The following FBXL2 variants were observed in gnomAD, a reference collection of about 807,000 sequenced individuals.
FBXL2 encodes the protein F-box and leucine rich repeat protein 2.
FBXL2 carries 38 observed loss-of-function variants against 69.2 expected under a neutral mutation model. The observed-to-expected ratio is 0.55, with a 90% CI of 0.42 to 0.72. The LOEUF (loss-of-function observed/expected upper bound fraction) is 0.72. Ranked by LOEUF, FBXL2 falls within the 30% of genes least tolerant of loss-of-function variation. FBXL2 has a pLI of 0.00. For synonymous variants in FBXL2, 192 were observed against 201.3 expected, an observed-to-expected ratio of 0.95 and a Z score of 0.39; for missense variants, 354 against 520.3, an observed-to-expected ratio of 0.68 and a Z score of 3.11.
intron 5 of FBXL2, among the ~76,000 whole-genome samples, chr3:33,371,042 T>G (rs1318087578): frequency 6.6e-6 from 1 of 152,222 alleles, no homozygotes; most frequent in Non-Finnish European, 1.5e-5. Context: ...TATTTCTGTT[T>G]CTGTGTTTCG....
chr3:33,368,184 A>G (rs1190799985), intron 5 of FBXL2, among the ~76,000 whole-genome samples: 1 of 152,210 alleles, frequency 6.6e-6, no homozygotes. Context: ...CTGCTGTTAG[A>G]TGAAGTGTGC....
At chr3:33,342,621 A>G (rs950798791) in intron 2 of FBXL2, among the ~76,000 whole-genome samples, 5 of 148,158 alleles carry the variant, frequency 3.4e-5, no homozygotes, top group African/African-American at 1.2e-4. Context: ...TCTTTTTAAT[A>G]CTTTGTTTCC....
At chr3:33,403,056 C>A (rs2044290846) in intron 12 of FBXL2, 1 of 719,006 alleles carries the variant, frequency 1.4e-6, no homozygotes, top group East Asian at 2.9e-5. Context: ...GTCAAATTTA[C>A]TTCTGTGTGG....
intron 4 of FBXL2, among the ~76,000 whole-genome samples, chr3:33,363,959 C>A (rs1000084413): frequency 6.6e-6 from 1 of 151,764 alleles, no homozygotes; most frequent in Non-Finnish European, 1.5e-5. Context: ...CAAAGCGAGA[C>A]CCCCCAACAC....
chr3:33,289,684 T>A, intron 1 of FBXL2: 3 of 865,366 alleles, frequency 3.5e-6, no homozygotes, highest in Non-Finnish European at 4.2e-6. Context: ...CCAGCTACAG[T>A]GCAGGACTAC....
chr3:33,308,372 A>G (rs149591624), intron 2 of FBXL2, among the ~76,000 whole-genome samples: 79 of 152,290 alleles, frequency 5.2e-4, no homozygotes, highest in African/African-American at 1.8e-3. Flanking sequence ...ATTTCTAGGC[A>G]TTTTCAGTAC....
Position 33,355,624 on chromosome 3 carries a change from G to T in FBXL2, c.66-3343G>T, listed in dbSNP as rs553322694. 2.5e-3 allele frequency among the ~76,000 whole-genome samples: 385 copies of T among 152,276 alleles called. 1 individual carries two copies. The highest frequency in any genetic ancestry group is 5.2e-3 in the Admixed American group (79 of 15,296). On this transcript the variant is annotated intron_variant, in intron 2 of 14. Coordinates refer to ENST00000484457, the MANE Select transcript of FBXL2 (RefSeq NM_012157.5). ...CTTCATAATTAAAACAGCCTTAGTG[G>T]CACAAAGACAGACTAATGGAGCAGA...
intron 2 of FBXL2, among the ~76,000 whole-genome samples, chr3:33,347,121 C>T (rs1209641790): frequency 4.6e-5 from 7 of 152,134 alleles, no homozygotes; most frequent in African/African-American, 1.7e-4. Flanking sequence ...TCCTCCTGCC[C>T]TCACCCTTCC....
At chr3:33,294,478 A>G (rs970123286) in intron 1 of FBXL2, among the ~76,000 whole-genome samples, 18 of 152,298 alleles carry the variant, frequency 1.2e-4, no homozygotes, top group African/African-American at 4.3e-4. Context: ...AAATGAAAAT[A>G]TATCATATGG....
intron 1 of FBXL2, among the ~76,000 whole-genome samples, chr3:33,277,838 C>T (rs1464102006): frequency 6.6e-6 from 1 of 151,812 alleles, no homozygotes; most frequent in Non-Finnish European, 1.5e-5. Context: ...GGAAGCCACC[C>T]AAGGAGGGTG....
intron 2 of FBXL2, chr3:33,317,528 A>G (rs977006042): frequency 2.2e-6 from 1 of 456,612 alleles, no homozygotes; most frequent in Non-Finnish European, 4.4e-6. Flanking sequence ...AAAAGGAAGA[A>G]TGGAAGACAC....
chr3:33,350,951 C>CAA (rs1309916183), intron 2 of FBXL2, among the ~76,000 whole-genome samples: 1 of 150,230 alleles, frequency 6.7e-6, no homozygotes, highest in African/African-American at 2.4e-5. Flanking sequence ...AAAGAATTGA[C>CAA]AAAAAAAAAT....
chr3:33,365,568 G>T (rs1575354027), intron 5 of FBXL2, among the ~76,000 whole-genome samples: 1 of 152,108 alleles, frequency 6.6e-6, no homozygotes, highest in Admixed American at 6.5e-5. Flanking sequence ...ACTGCACCCA[G>T]GCTATTGGGA....
intron 2 of FBXL2, among the ~76,000 whole-genome samples, chr3:33,357,129 C>T (rs556869598): frequency 2.4e-4 from 37 of 152,318 alleles, no homozygotes; most frequent in African/African-American, 8.2e-4. Flanking sequence ...ATGGTTGGCA[C>T]ATAGTTGGTG....
intron 1 of FBXL2, among the ~76,000 whole-genome samples, chr3:33,285,919 A>C (rs2034561950): frequency 6.6e-6 from 1 of 152,048 alleles, no homozygotes; most frequent in Admixed American, 6.6e-5. Flanking sequence ...TACACTATTT[A>C]TTCTAGTTTG....
chr3:33,298,333 G>T (rs1032679328), intron 2 of FBXL2, among the ~76,000 whole-genome samples: 1 of 152,114 alleles, frequency 6.6e-6, no homozygotes, highest in Non-Finnish European at 1.5e-5. Context: ...TTGTTGGCCT[G>T]GAGGCACTTC....
intron 5 of FBXL2, among the ~76,000 whole-genome samples, chr3:33,366,253 G>T (rs923064139): frequency 2.0e-5 from 3 of 151,988 alleles, no homozygotes; most frequent in African/African-American, 4.8e-5. Context: ...AAAAAATTTT[G>T]CATTTGTGGT....
chr3:33,300,573 T>G (rs1333639719), intron 2 of FBXL2: 2 of 152,238 alleles, frequency 1.3e-5, no homozygotes, highest in Non-Finnish European at 2.9e-5. Flanking sequence ...CTCCAACTTG[T>G]GAGTCTCAAA....
At chr3:33,384,513 A>ACTGCACCACTGCACTTCAGC (rs2043281916) in intron 14 of FBXL2, among the ~76,000 whole-genome samples, 1 of 152,108 alleles carries the variant, frequency 6.6e-6, no homozygotes, top group Non-Finnish European at 1.5e-5. Context: ...GTGAGCCCAG[A>ACTGCACCACTGCACTTCAGC]CTGCACCACT....
Sources: gnomAD v4.1 joint callset for allele counts (sites outside exome capture counted in the v4.1 genomes callset) on GRCh38, gnomAD v4.1.1 for gene constraint, MANE v1.5 for transcripts, NCBI Gene and HGNC (gene_info 2026-07-23, HGNC 2026-07-21) for gene names.